The following SIMC1 variants were observed in gnomAD, a reference collection of about 807,000 sequenced individuals.
SIMC1 encodes the protein SUMO-interacting motif-containing protein 1.
A neutral mutation model predicts 82.3 loss-of-function variants in SIMC1; 55 were observed. The observed-to-expected ratio is 0.67, with a 90% CI of 0.54 to 0.84. The LOEUF (loss-of-function observed/expected upper bound fraction) is 0.84. Ranked by LOEUF, SIMC1 falls within the 40% of genes least tolerant of loss-of-function variation. SIMC1 has a pLI of 0.00. For synonymous variants in SIMC1, 353 were observed against 426.3 expected (o/e 0.83, Z 2.12); for missense variants, 915 against 1,107.2 (o/e 0.83, Z 2.46).
intron 1 of SIMC1, among the ~76,000 whole-genome samples, chr5:176,279,927 G>T (rs1395474620): frequency 3.3e-5 from 5 of 152,060 alleles, no homozygotes; most frequent in Non-Finnish European, 7.4e-5. Context: ...GTGTGGTGCG[G>T]TGCTGAAAAA....
intron 4 of SIMC1, among the ~76,000 whole-genome samples, chr5:176,307,060 A>G (rs887030326): frequency 8.5e-5 from 13 of 152,244 alleles, no homozygotes; most frequent in Admixed American, 5.2e-4. Flanking sequence ...AAGATACTCA[A>G]TATAACTAGT....
intron 1 of SIMC1, among the ~76,000 whole-genome samples, chr5:176,247,164 G>A (rs1431333419): frequency 6.6e-6 from 1 of 152,084 alleles, no homozygotes; most frequent in Non-Finnish European, 1.5e-5. Flanking sequence ...TCTGGTTCTA[G>A]ATCCTTGAGG....
intron 1 of SIMC1, among the ~76,000 whole-genome samples, chr5:176,263,873 A>G (rs1489662274): frequency 6.6e-6 from 1 of 152,128 alleles, no homozygotes; most frequent in Non-Finnish European, 1.5e-5. Context: ...TGAGCCTGTA[A>G]GATGAAAAGC....
intron 1 of SIMC1, among the ~76,000 whole-genome samples, chr5:176,281,810 C>G (rs568064990): frequency 2.0e-5 from 3 of 152,168 alleles, no homozygotes; most frequent in Non-Finnish European, 1.5e-5. Flanking sequence ...GAGGAGTACC[C>G]GGCCGTGTGA....
At chr5:176,292,705 G>C (rs567760439) in intron 2 of SIMC1, among the ~76,000 whole-genome samples, 1 of 151,960 alleles carries the variant, frequency 6.6e-6, no homozygotes, top group Non-Finnish European at 1.5e-5. Context: ...TACCACTTCC[G>C]GCTTTTTGTA....
At chr5:176,336,197 GCTT>G (rs1765886689) in intron 7 of SIMC1, among the ~76,000 whole-genome samples, 1 of 152,124 alleles carries the variant, frequency 6.6e-6, no homozygotes, top group African/African-American at 2.4e-5. Flanking sequence ...TCTCACCAGT[GCTT>G]CTGCCTCCAT....
intron 1 of SIMC1, among the ~76,000 whole-genome samples, chr5:176,265,654 G>C (rs1453671404): frequency 6.6e-6 from 1 of 152,038 alleles, no homozygotes; most frequent in Non-Finnish European, 1.5e-5. Context: ...CAAATATCGG[G>C]ATGCCTTAGT....
chr5:176,284,438 G>C (rs898272773), intron 1 of SIMC1, among the ~76,000 whole-genome samples: 2 of 152,074 alleles, frequency 1.3e-5, no homozygotes, highest in Non-Finnish European at 2.9e-5. Flanking sequence ...GGTACATAAT[G>C]AAATGAAGGC....
At chr5:176,258,653 C>T (rs989859239) in intron 1 of SIMC1, among the ~76,000 whole-genome samples, 4 of 150,318 alleles carry the variant, frequency 2.7e-5, no homozygotes, top group African/African-American at 7.3e-5. Flanking sequence ...GTGGCACAAT[C>T]GCATAAGTTA....
At position 176,295,371 on chromosome 5, in the gene SIMC1, T is replaced by G. The variant is rs1247118541; in HGVS notation, c.1664+109T>G. ...AACCTAACCGTTACAGTGGGTGACT[T>G]AGCATATTAGTGTTATTTGAATTGC... is the stretch of plus-strand genomic sequence containing the variant. On this transcript the variant is annotated intron_variant, in intron 3 of 9. Transcript: ENST00000429602. The G allele has an allele frequency of 1.5e-5, 22 of 1,472,426 alleles. No individual in the cohort carries two copies. In the Admixed American group the frequency reaches 4.8e-4, roughly 32 times the overall value. 91.2% of individuals were successfully genotyped at this position (1,472,426 alleles called of 1,614,324 possible). A position where few individuals can be genotyped will look rare whatever the true frequency, so the allele number is the denominator to read the frequency against.
chr5:176,257,779 G>A (rs746379450), intron 1 of SIMC1, among the ~76,000 whole-genome samples: 117 of 151,986 alleles, frequency 7.7e-4, no homozygotes, highest in Non-Finnish European at 4.0e-4. Flanking sequence ...TAATTTTGTC[G>A]AAGACTGCAT....
intron 1 of SIMC1, among the ~76,000 whole-genome samples, chr5:176,286,175 C>T (rs1358570538): frequency 3.9e-5 from 6 of 152,294 alleles, no homozygotes; most frequent in Admixed American, 6.5e-5. Flanking sequence ...GCCTGCATTG[C>T]CAAGACAGTC....
At chr5:176,279,962 T>G (rs1274263839) in intron 1 of SIMC1, among the ~76,000 whole-genome samples, 1 of 152,074 alleles carries the variant, frequency 6.6e-6, no homozygotes, top group Non-Finnish European at 1.5e-5. Context: ...TGATTTGGGG[T>G]GGAGAGTTCT....
intron 4 of SIMC1, among the ~76,000 whole-genome samples, chr5:176,302,665 C>CAA (rs368613925): frequency 6.9e-6 from 1 of 144,718 alleles, no homozygotes. Context: ...AAAATTCCAC[C>CAA]AAAAAAAAAA....
At chr5:176,294,851 G>C in intron 2 of SIMC1, 179 bp from the exon 3 acceptor site, 1 of 819,536 alleles carries the variant, frequency 1.2e-6, no homozygotes, top group Non-Finnish European at 1.8e-6. Flanking sequence ...TGTAGTCCCA[G>C]CTACTCTGGA....
intron 1 of SIMC1, among the ~76,000 whole-genome samples, chr5:176,253,584 T>C (rs1030775616): frequency 6.6e-6 from 1 of 152,112 alleles, no homozygotes; most frequent in Admixed American, 6.5e-5. Context: ...TTCCATGTTG[T>C]AGGGAGTCAT....
At chr5:176,274,905 T>G (rs527463709) in intron 1 of SIMC1, among the ~76,000 whole-genome samples, 5 of 152,014 alleles carry the variant, frequency 3.3e-5, no homozygotes, top group South Asian at 2.1e-4. Context: ...TGAAGTCAGG[T>G]AGCGTGATGC....
chr5:176,315,651 T>G (rs1379369001), intron 5 of SIMC1, among the ~76,000 whole-genome samples: 1 of 152,218 alleles, frequency 6.6e-6, no homozygotes, highest in African/African-American at 2.4e-5. Flanking sequence ...GAAAGTAGTA[T>G]ACACAGGTCA....
At chr5:176,292,051 G>T (rs1166161237) in intron 2 of SIMC1, among the ~76,000 whole-genome samples, 1 of 152,132 alleles carries the variant, frequency 6.6e-6, no homozygotes, top group African/African-American at 2.4e-5. Flanking sequence ...GCAAGACTCT[G>T]TCTCAAAAAA....
Sources: gnomAD v4.1 joint callset for allele counts (sites outside exome capture counted in the v4.1 genomes callset) on GRCh38, gnomAD v4.1.1 for gene constraint, MANE v1.5 for transcripts, NCBI Gene and HGNC (gene_info 2026-07-23, HGNC 2026-07-21) for gene names.